NFIB: variants seen among roughly 807,000 people sequenced by gnomAD.
NFIB encodes nuclear factor 1 B-type.
Under a neutral mutation model 61.5 loss-of-function variants are expected in NFIB, and 11 were observed. The ratio of observed to expected loss-of-function variants is 0.18; its 90% CI spans 0.11 to 0.30. NFIB has a LOEUF of 0.30. Ranked by LOEUF, NFIB falls within the 10% of genes least tolerant of loss-of-function variation. The probability of loss-of-function intolerance (pLI) is 1.00; values close to 1 mark genes in which losing one functional copy is unlikely to be tolerated. For missense variants in NFIB, 471 were observed against 608.9 expected, an observed-to-expected ratio of 0.77 and a Z score of 2.38; for synonymous variants, 260 against 216.5, an observed-to-expected ratio of 1.20 and a Z score of -1.76.
chr9:14,503,106 ATGTGTGTATG>A, the NFIB span, among the ~76,000 whole-genome samples: 4 of 149,268 alleles, frequency 2.7e-5, no homozygotes, highest in East Asian at 2.0e-4. Flanking sequence ...ATATATATAT[ATGTGTGTATG>A]TGTGTGTATG....
intron 2 of NFIB, among the ~76,000 whole-genome samples, chr9:14,303,044 T>G (rs903287756): frequency 1.3e-5 from 2 of 152,222 alleles, no homozygotes; most frequent in African/African-American, 4.8e-5. Flanking sequence ...CCAGAATGAC[T>G]GATTTTACCT....
chr9:14,505,118 T>A, the NFIB span, among the ~76,000 whole-genome samples: 1 of 152,240 alleles, frequency 6.6e-6, no homozygotes, highest in Admixed American at 6.5e-5. Context: ...ATTCTCTTTA[T>A]GTGGTGTATC....
chr9:14,435,618 A>C, the NFIB span, among the ~76,000 whole-genome samples: 1 of 152,244 alleles, frequency 6.6e-6, no homozygotes, highest in Non-Finnish European at 1.5e-5. Flanking sequence ...ACTATAATTT[A>C]AATACAAAAT....
chr9:14,313,909 G>A lies in NFIB; in HGVS notation c.-398C>T. On this transcript the variant is annotated 5_prime_UTR_variant, in exon 1 of 11. Coordinates refer to ENST00000380953, the MANE Select transcript of NFIB (RefSeq NM_001190737.2). The surrounding 1 kb of genome is among the most constrained non-coding windows in gnomAD (Gnocchi z 4.5). Reference sequence around the variant, plus strand: ...AAGGTTCGGTGTGGGTTGGATTGGGGTGGTGGTTGGTGGTAAAATGCTTTT... The same window carrying A: ...AAGGTTCGGTGTGGGTTGGATTGGGATGGTGGTTGGTGGTAAAATGCTTTT... 9.4e-7 allele frequency: 1 copy of A among 1,067,186 alleles called. No individual in the cohort carries two copies. The highest frequency in any genetic ancestry group is 1.1e-6 in the Non-Finnish European group (1 of 882,190). 66.1% of individuals were successfully genotyped at this position (1,067,186 alleles called of 1,614,324 possible).
chr9:14,232,706 A>G (rs1354429647), intron 2 of NFIB, among the ~76,000 whole-genome samples: 1 of 152,246 alleles, frequency 6.6e-6, no homozygotes, highest in Non-Finnish European at 1.5e-5. Context: ...TGAGAAATTT[A>G]AGGAGCAGAA....
chr9:14,221,401 C>G (rs184939346), intron 2 of NFIB, among the ~76,000 whole-genome samples: 1 of 152,176 alleles, frequency 6.6e-6, no homozygotes, highest in African/African-American at 2.4e-5. Context: ...TTGTAATACG[C>G]AGCTAGATTT....
the NFIB span, among the ~76,000 whole-genome samples, chr9:14,472,926 C>T: frequency 6.6e-6 from 1 of 152,158 alleles, no homozygotes; most frequent in African/African-American, 2.4e-5. Context: ...TCACCACAGA[C>T]ACTTTGAGAA....
At chr9:14,494,340 C>G in the NFIB span, among the ~76,000 whole-genome samples, 1 of 152,276 alleles carries the variant, frequency 6.6e-6, no homozygotes, top group African/African-American at 2.4e-5. Flanking sequence ...GTTCTCTGGG[C>G]TTATTGTCAG....
chr9:14,251,186 T>G (rs931325415), intron 2 of NFIB, among the ~76,000 whole-genome samples: 2 of 152,232 alleles, frequency 1.3e-5, no homozygotes, highest in African/African-American at 4.8e-5. Flanking sequence ...TTTGGGTGTT[T>G]GTTTTACAAG....
intron 1 of NFIB, among the ~76,000 whole-genome samples, chr9:14,328,071 C>G (rs1485268093): frequency 6.6e-6 from 1 of 152,206 alleles, no homozygotes; most frequent in Admixed American, 6.5e-5. Context: ...AATAGAAATA[C>G]AAGTTTTAGG....
the NFIB span, among the ~76,000 whole-genome samples, chr9:14,455,399 T>G: frequency 2.6e-5 from 4 of 152,130 alleles, no homozygotes; most frequent in Non-Finnish European, 5.9e-5. Context: ...GAGGGAAAAG[T>G]GGTATGTCGC....
chr9:14,116,309 C>A lies in NFIB; in HGVS notation c.1283G>T (p.Gly428Val). 1 of 1,535,590 alleles carries A rather than the reference C, an allele frequency of 6.5e-7. No individual in the cohort carries two copies. Among genetic ancestry groups the A allele is most frequent in the Non-Finnish European group, 8.8e-7 (1 of 1,139,314 alleles). The change falls in exon 9 of 11, where the codon GGC becomes GTC. Residue 428 changes from glycine to valine, a missense_variant. This residue lies in a region of NFIB where 372 missense variants were observed against 395.6 expected (regional missense o/e 0.94). Transcript: ENST00000380953. Reference protein sequence around the residue: ...GSGQVVGKVPGHFTPVLAPSP... With the variant: ...GSGQVVGKVPVHFTPVLAPSP... ...GGGTGCCAAGACAGGAGTGAAATGG[C>A]CAGGCACTTTCCCTACTACTTGACC...
intron 2 of NFIB, among the ~76,000 whole-genome samples, chr9:14,181,505 G>C (rs1188356564): frequency 6.6e-6 from 1 of 152,134 alleles, no homozygotes; most frequent in Admixed American, 6.6e-5. Flanking sequence ...TAAATTAGGA[G>C]ATCAATCTTC....
intron 10 of NFIB, among the ~76,000 whole-genome samples, chr9:14,091,755 G>A (rs1034368388): frequency 9.9e-5 from 15 of 151,728 alleles, no homozygotes; most frequent in African/African-American, 2.9e-4. Context: ...AAAATATAAA[G>A]TAGATATAAC....
chr9:14,227,492 ATAC>A (rs1336792610), intron 2 of NFIB, among the ~76,000 whole-genome samples: 1 of 152,228 alleles, frequency 6.6e-6, no homozygotes, highest in Non-Finnish European at 1.5e-5. Flanking sequence ...GAAATATATC[ATAC>A]TATGGAGAAA....
intron 1 of NFIB, among the ~76,000 whole-genome samples, chr9:14,381,465 A>G (rs567184667): frequency 1.7e-4 from 26 of 152,324 alleles, no homozygotes; most frequent in African/African-American, 6.0e-4. Context: ...TGCTAGGATT[A>G]CAGGTGTGAG....
chr9:14,480,832 C>T, the NFIB span, among the ~76,000 whole-genome samples: 1 of 152,116 alleles, frequency 6.6e-6, no homozygotes, highest in African/African-American at 2.4e-5. Context: ...GTGCCTTTAA[C>T]CATATCCTCT....
intron 2 of NFIB, chr9:14,300,256 T>C (rs1454244901): frequency 2.5e-6 from 1 of 398,352 alleles, no homozygotes; most frequent in East Asian, 3.6e-5. Flanking sequence ...CACTGGGGCA[T>C]GCAGCCGTAA....
chr9:14,111,925 A>G (rs950902184), intron 10 of NFIB, among the ~76,000 whole-genome samples: 3 of 152,152 alleles, frequency 2.0e-5, no homozygotes, highest in Admixed American at 1.3e-4. Context: ...CTTGGGCTGC[A>G]ACTGGAAAGG....
Sources: gnomAD v4.1 joint callset for allele counts (sites outside exome capture counted in the v4.1 genomes callset) on GRCh38, gnomAD v4.1.1 for gene constraint, gnomAD v4.1.1 regional missense constraint, Gnocchi (gnomAD v3.1) non-coding constraint, MANE v1.5 for transcripts, NCBI Gene and HGNC (gene_info 2026-07-23, HGNC 2026-07-21) for gene names.